Variants in PCDH9 observed in about 807,000 individuals in gnomAD.
PCDH9 encodes the protein protocadherin-9.
PCDH9 carries 24 observed loss-of-function variants against 70.6 expected under a neutral mutation model. The observed-to-expected ratio is 0.34, with a 90% CI of 0.25 to 0.48. The LOEUF (loss-of-function observed/expected upper bound fraction) is 0.48. Ranked by LOEUF, PCDH9 falls within the 20% of genes least tolerant of loss-of-function variation. PCDH9 has a pLI of 0.99. For synonymous variants in PCDH9, 562 were observed against 558.5 expected, an observed-to-expected ratio of 1.01 and a Z score of -0.09; for missense variants, 1,281 against 1,503.6, an observed-to-expected ratio of 0.85 and a Z score of 2.45.
chr13:66,966,356 C>T (rs568902779), intron 2 of PCDH9, among the ~76,000 whole-genome samples: 2 of 152,040 alleles, frequency 1.3e-5, no homozygotes, highest in Admixed American at 1.3e-4. Flanking sequence ...ACAAGCGATG[C>T]AGTAGAAACT....
At chr13:66,976,889 A>G (rs1478244493) in intron 2 of PCDH9, among the ~76,000 whole-genome samples, 1 of 152,082 alleles carries the variant, frequency 6.6e-6, no homozygotes, top group Non-Finnish European at 1.5e-5. Flanking sequence ...TTCATTGTAT[A>G]ATTCCTGAGG....
At chr13:67,094,152 G>A (rs1288359034) in intron 2 of PCDH9, among the ~76,000 whole-genome samples, 4 of 152,086 alleles carry the variant, frequency 2.6e-5, no homozygotes, top group African/African-American at 9.7e-5. Flanking sequence ...TGGATATTTA[G>A]GGGCAAAATA....
At chr13:66,816,835 C>A (rs2080613561) in intron 3 of PCDH9, among the ~76,000 whole-genome samples, 1 of 148,270 alleles carries the variant, frequency 6.7e-6, no homozygotes. Flanking sequence ...TGTTAAAAGA[C>A]ACAAGTTTTT....
chr13:66,526,630 G>A (rs1437827723), intron 4 of PCDH9, among the ~76,000 whole-genome samples: 1 of 151,866 alleles, frequency 6.6e-6, no homozygotes, highest in Non-Finnish European at 1.5e-5. Context: ...AGTACTTAGA[G>A]ATTAATTCTC....
intron 4 of PCDH9, among the ~76,000 whole-genome samples, chr13:66,629,762 A>G (rs2077545706): frequency 6.6e-6 from 1 of 152,232 alleles, no homozygotes; most frequent in South Asian, 2.1e-4. Context: ...CTTGGCAGAG[A>G]GAAGATAAAA....
At chr13:67,010,982 AAGTG>A (rs1566361170) in intron 2 of PCDH9, among the ~76,000 whole-genome samples, 1 of 151,982 alleles carries the variant, frequency 6.6e-6, no homozygotes. Context: ...TATGACTTAA[AAGTG>A]AGTAATACAA....
chr13:66,871,488 G>A (rs753473552), intron 3 of PCDH9, among the ~76,000 whole-genome samples: 7 of 151,892 alleles, frequency 4.6e-5, no homozygotes, highest in Non-Finnish European at 8.8e-5. Context: ...TCACACAGAG[G>A]AGAAATTGAA....
chr13:66,542,669 T>C (rs969289537), intron 4 of PCDH9, among the ~76,000 whole-genome samples: 1 of 131,390 alleles, frequency 7.6e-6, no homozygotes, highest in Non-Finnish European at 1.6e-5. Flanking sequence ...CAAATATATA[T>C]ATATTTAAAT....
chr13:66,561,933 C>A (rs923865643), intron 4 of PCDH9, among the ~76,000 whole-genome samples: 4 of 152,116 alleles, frequency 2.6e-5, no homozygotes, highest in African/African-American at 4.8e-5. Context: ...CTGCTGCTCA[C>A]TCTTTGGGTC....
chr13:66,374,722 A>T (rs908498173), intron 4 of PCDH9, among the ~76,000 whole-genome samples: 1 of 152,012 alleles, frequency 6.6e-6, no homozygotes, highest in African/African-American at 2.4e-5. Context: ...ATCCAGGTGG[A>T]TTATCAGAAA....
intron 4 of PCDH9, among the ~76,000 whole-genome samples, chr13:66,564,401 A>G (rs1199674319): frequency 6.6e-6 from 1 of 152,006 alleles, no homozygotes; most frequent in Non-Finnish European, 1.5e-5. Context: ...CCTGGGCTCA[A>G]ATGATTCTCT....
chr13:66,572,723 C>T (rs927281122), intron 4 of PCDH9, among the ~76,000 whole-genome samples: 1 of 152,076 alleles, frequency 6.6e-6, no homozygotes, highest in African/African-American at 2.4e-5. Flanking sequence ...TGGATATATA[C>T]CTAGCAGTGA....
At chr13:66,639,591 T>C (rs1377994155) in intron 3 of PCDH9, among the ~76,000 whole-genome samples, 4 of 152,168 alleles carry the variant, frequency 2.6e-5, no homozygotes, top group African/African-American at 9.7e-5. Flanking sequence ...CTTTTGGGTG[T>C]AGTCTTGGTG....
At chr13:66,403,863 G>A (rs1957232273) in intron 4 of PCDH9, among the ~76,000 whole-genome samples, 1 of 152,048 alleles carries the variant, frequency 6.6e-6, no homozygotes, top group Non-Finnish European at 1.5e-5. Context: ...CTTACTTTGA[G>A]AACTAACGGA....
intron 2 of PCDH9, chr13:67,213,206 CAAAAAAAAAAAAAAAAA>C (rs34813503): frequency 1.5e-4 from 3 of 20,540 alleles, no homozygotes; most frequent in East Asian, 1.4e-3. Context: ...GACTCCGTCA[CAAAAAAAAAAAAAAAAA>C]AAAAAAAAAA....
intron 2 of PCDH9, chr13:66,978,617 G>T (rs944783402): frequency 7.3e-5 from 11 of 150,744 alleles, no homozygotes; most frequent in Non-Finnish European, 8.9e-5. Flanking sequence ...ATAGATCAGA[G>T]ATTTATGTAA....
intron 3 of PCDH9, among the ~76,000 whole-genome samples, chr13:66,713,073 C>T (rs548714388): frequency 5.3e-5 from 8 of 152,208 alleles, no homozygotes; most frequent in African/African-American, 1.9e-4. Flanking sequence ...TCAAATGGCA[C>T]ATTAATTTTT....
At chr13:66,830,080 C>T (rs1311318268) in intron 3 of PCDH9, among the ~76,000 whole-genome samples, 1 of 152,044 alleles carries the variant, frequency 6.6e-6, no homozygotes, top group Non-Finnish European at 1.5e-5. Flanking sequence ...CCAGTGCAAA[C>T]ATTTTCAGCT....
chr13:67,100,085 C>G (rs192647004), intron 2 of PCDH9, among the ~76,000 whole-genome samples: 1 of 152,228 alleles, frequency 6.6e-6, no homozygotes, highest in Admixed American at 6.5e-5. Context: ...GTCCTTGCTT[C>G]TGAAGTGGTT....
Sources: gnomAD v4.1 joint callset for allele counts (sites outside exome capture counted in the v4.1 genomes callset) on GRCh38, gnomAD v4.1.1 for gene constraint, MANE v1.5 for transcripts, NCBI Gene and HGNC (gene_info 2026-07-23, HGNC 2026-07-21) for gene names.